The following TTN variants were observed in gnomAD, a reference collection of about 807,000 sequenced individuals.
TTN encodes the protein connectin.
In TTN, 1,525 loss-of-function variants were observed where a neutral mutation model predicts 3,223.0. The observed-to-expected ratio is 0.47, with a 90% confidence interval of 0.45 to 0.49. TTN has a LOEUF of 0.49. Among genes scored for constraint, TTN ranks in the 20% least tolerant of loss-of-function variants. TTN has a pLI of 0.00. For missense variants in TTN, 40,786 were observed against 43,424.0 expected (o/e 0.94, Z 5.40); for synonymous variants, 14,094 against 15,161.0 (o/e 0.93, Z 5.17).
chr2:178,548,444 C>G lies in TTN; in HGVS notation c.93182G>C (p.Arg31061Pro), dbSNP rs727504923. Residue 31061 changes from arginine to proline, a missense_variant, in exon 339 of 363, where the codon CGT becomes CCT. Coordinates refer to ENST00000589042, the MANE Select transcript of TTN (RefSeq NM_001267550.2). The surrounding 1 kb of genome is among the most constrained non-coding windows in gnomAD (Gnocchi z 4.3). Reference sequence around the variant, plus strand: ...TTTTTCACTGATAACCTGCCAACTACGGCGACTTGCCTCTCGTTTCTCTAC... The same window carrying G: ...TTTTTCACTGATAACCTGCCAACTAGGGCGACTTGCCTCTCGTTTCTCTAC... ...YVVEKREASR[R>P]SWQVISEKCT... The G allele has an allele frequency of 6.2e-7, 1 of 1,613,744 alleles. No homozygotes were observed. The highest frequency in any genetic ancestry group is 8.5e-7 in the Non-Finnish European group (1 of 1,179,812).
chr2:178,794,919 T>C lies in TTN; in HGVS notation c.1245+3A>G, dbSNP rs757221300. On this transcript the variant is annotated splice_donor_region_variant and intron_variant, in intron 7 of 362. Coordinates refer to ENST00000589042, the MANE Select transcript of TTN (RefSeq NM_001267550.2). ...AGGAAAAACAAAACCATTCTGACAG[T>C]ACCTCTTTAGCACCAGTGGCAACAG... 2.2e-5 allele frequency: 35 copies of C among 1,600,930 alleles called. No homozygotes were observed. Among genetic ancestry groups the C allele is most frequent in the Non-Finnish European group, 2.7e-5 (32 of 1,179,932 alleles).
Position 178,800,382 on chromosome 2 carries a change from C to T in TTN, c.583+13G>A. 6.2e-7 allele frequency: 1 copy of T among 1,614,104 alleles called. No individual in the cohort carries two copies. On this transcript the variant is annotated intron_variant, in intron 4 of 362. Transcript: ENST00000589042. ...TCTCCCCTTCTCTCTGTTCCTCAACCTCCAGCACGTACCTTGAACCAGTAA... is the reference window on the plus strand; with the variant it reads ...TCTCCCCTTCTCTCTGTTCCTCAACTTCCAGCACGTACCTTGAACCAGTAA...
In TTN at chr2:178,713,209, G is replaced by T; in HGVS notation, c.26925C>A (p.Thr8975=). ...EISSGRKYQT[T]LTDNTCALTV... is the part of the protein sequence containing the mutation. ...TTAAAGCACAAGTATTATCTGTCAG[G>T]GTGGTCTGGTATTTCCTTCCACTAC... The change falls in exon 93 of 363, where the codon ACC becomes ACA. Residue 8975 remains threonine, a synonymous_variant. Coordinates refer to ENST00000589042, the MANE Select transcript of TTN (RefSeq NM_001267550.2). 1 of 1,613,544 alleles carries T rather than the reference G, an allele frequency of 6.2e-7. No individual in the cohort carries two copies.
In TTN at chr2:178,598,645, C is replaced by T. The variant is rs1359328880; in HGVS notation, c.56972G>A (p.Gly18991Asp). The T allele has an allele frequency of 1.2e-6, 2 of 1,602,624 alleles. No homozygotes were observed. Among genetic ancestry groups the T allele is most frequent in the African/African-American group, 1.4e-5 (1 of 73,858 alleles). ...ATARDPIAPPGPPFPKVTDWT... is the reference protein window; with the variant it reads ...ATARDPIAPPDPPFPKVTDWT... ...ATCTGTCACTTTGGGAAATGGAGGA[C>T]CAGGAGGGGCTGCAAAGAGCCAGTA... Residue 18991 changes from glycine (G) to aspartate (D), a missense_variant, in exon 292 of 363, where the codon GGT becomes GAT. Coordinates refer to ENST00000589042, the MANE Select transcript of TTN (RefSeq NM_001267550.2).
chr2:178,565,783 T>C lies in TTN; in HGVS notation c.80349A>G (p.Pro26783=). The change falls in exon 326 of 363, where the codon CCA becomes CCG. Residue 26783 remains proline, a synonymous_variant. Coordinates refer to ENST00000589042, the MANE Select transcript of TTN (RefSeq NM_001267550.2). ...CATCAGTGAGTGTAACCTTTCCTGG[T>C]GGGGAAGGAGGTTCAGCAGCTTTCA... ...DAVKAAEPPS[P]PGKVTLTDVS... is the part of the protein sequence containing the mutation. The C allele has an allele frequency of 1.9e-6, 3 of 1,613,534 alleles. No homozygotes were observed.
At position 178,569,542 on chromosome 2, in the gene TTN, T is replaced by C. The variant is rs184034300; in HGVS notation, c.76590A>G (p.Leu25530=). The C allele has an allele frequency of 2.4e-5, 39 of 1,612,670 alleles. No homozygotes were observed. The highest frequency in any genetic ancestry group is 3.3e-4 in the Middle Eastern group (2 of 6,072). The change falls in exon 326 of 363, where the codon TTA becomes TTG. Residue 25530 remains leucine, a synonymous_variant. Coordinates refer to ENST00000589042, the MANE Select transcript of TTN (RefSeq NM_001267550.2). Reference sequence around the variant, plus strand: ...TAGGACGACCTTTTATAGGAACAAATAACCTTAAGGAGCCACCTGCCCTTA... The same window carrying C: ...TAGGACGACCTTTTATAGGAACAAACAACCTTAAGGAGCCACCTGCCCTTA... ...INIRAGGSLR[L]FVPIKGRPTP... is the part of the protein sequence containing the mutation.
At position 178,670,416 on chromosome 2, in the gene TTN, T is replaced by C. The variant is rs548523396; in HGVS notation, c.35309-121A>G. Reference sequence around the variant, plus strand: ...AACAATATAAAATGCAGACAACACTTTATCAAATACATTACAGTATTTCAA... The same window carrying C: ...AACAATATAAAATGCAGACAACACTCTATCAAATACATTACAGTATTTCAA... On this transcript the variant is annotated intron_variant, in intron 156 of 362. Coordinates refer to ENST00000589042, the MANE Select transcript of TTN (RefSeq NM_001267550.2). 1.2e-3 allele frequency: 548 copies of C among 454,180 alleles called. 2 individuals are homozygous for C. The highest frequency in any genetic ancestry group is 1.8e-3 in the Non-Finnish European group (473 of 267,176). 28.1% of individuals were successfully genotyped at this position (454,180 alleles called of 1,614,324 possible). A position where few individuals can be genotyped will look rare whatever the true frequency, so the allele number is the denominator to read the frequency against.
intron 2 of TTN, among the ~76,000 whole-genome samples, chr2:178,803,068 T>C (rs1325032635): frequency 6.6e-6 from 1 of 152,184 alleles, no homozygotes; most frequent in Non-Finnish European, 1.5e-5. Context: ...ACTCTGTACA[T>C]TGAGAATGTA....
chr2:178,749,185 T>G, intron 47 of TTN: 2 of 1,611,338 alleles, frequency 1.2e-6, no homozygotes, highest in Non-Finnish European at 1.7e-6. Flanking sequence ...TTTCCTTTTC[T>G]GATCTACCAA....
Position 178,727,385 on chromosome 2 carries a change from A to G in TTN, c.19994-14T>C. The G allele has an allele frequency of 1.3e-6, 2 of 1,566,124 alleles. No individual in the cohort carries two copies. The highest frequency in any genetic ancestry group is 1.7e-6 in the Non-Finnish European group (2 of 1,158,418). On this transcript the variant is annotated splice_polypyrimidine_tract_variant and intron_variant, in intron 68 of 362. Coordinates refer to ENST00000589042, the MANE Select transcript of TTN (RefSeq NM_001267550.2). ...ACTTTGGTGGTTCTAAAGAGTCAGGAAAGAGGAGAGTATCAGGGAACAGAA... is the reference window on the plus strand; with the variant it reads ...ACTTTGGTGGTTCTAAAGAGTCAGGGAAGAGGAGAGTATCAGGGAACAGAA...
rs1368373679 is a variant in TTN at position 178,599,278 on chromosome 2, G to C, written c.56515C>G (p.Pro18839Ala). ...RKTWVHVSSE[P>A]KECTYTIPKL... ...GGAATCGTGTACGTGCACTCCTTAG[G>C]TTCACTGGAGACATGGACCCATGTC... Residue 18839 changes from proline to alanine, a missense_variant, in exon 290 of 363, where the codon CCT (proline) becomes GCT (alanine). By Grantham distance (27) the Pro-to-Ala change is conservative. Coordinates refer to ENST00000589042, the MANE Select transcript of TTN (RefSeq NM_001267550.2). The C allele has an allele frequency of 1.2e-6, 2 of 1,600,204 alleles. No individual in the cohort carries two copies. The highest frequency in any genetic ancestry group is 2.2e-5 in the East Asian group (1 of 44,618).
rs915324688 is a variant in TTN at position 178,664,907 on chromosome 2, T to G, written c.36063A>C (p.Glu12021Asp). 26 of 1,609,792 alleles carry G rather than the reference T, an allele frequency of 1.6e-5. No homozygotes were observed. The highest frequency in any genetic ancestry group is 2.0e-5 in the Non-Finnish European group (23 of 1,178,830). ...AAGGAACTGTCTTGGCAGGAATAAT[T>G]TCTTGAGGAGCTTCGGGCGCTTGAA... The part of the protein sequence containing the change: ...PRMKTPEAPQ[E>D]IIPAKTVPSK... Residue 12021 changes from glutamate to aspartate, a missense_variant, in exon 166 of 363, where the codon GAA (glutamate) becomes GAC (aspartate). Glu to Asp is a conservative substitution (Grantham distance 45, BLOSUM62 2). Coordinates refer to ENST00000589042, the MANE Select transcript of TTN (RefSeq NM_001267550.2).
In TTN at chr2:178,634,251, T is replaced by C; in HGVS notation, c.42415+115A>G. 9 of 1,492,174 alleles carry C rather than the reference T, an allele frequency of 6.0e-6. No individual in the cohort carries two copies. Among genetic ancestry groups the C allele is most frequent in the South Asian group, 5.3e-5 (4 of 75,962 alleles). 92.4% of individuals were successfully genotyped at this position (1,492,174 alleles called of 1,614,324 possible). ...TTAAGGGGGGTTGTTTTGGTAACAC[T>C]GTGAAAGTTAATTAGTGATGCATTA... On this transcript the variant is annotated intron_variant, in intron 230 of 362. Coordinates refer to ENST00000589042, the MANE Select transcript of TTN (RefSeq NM_001267550.2). The surrounding 1 kb of genome is among the most constrained non-coding windows in gnomAD (Gnocchi z 4.6).
chr2:178,754,372 G>A (rs1262196931), intron 46 of TTN, among the ~76,000 whole-genome samples: 1 of 151,926 alleles, frequency 6.6e-6, no homozygotes, highest in Non-Finnish European at 1.5e-5. Flanking sequence ...AACTTTCTTA[G>A]GTACAAGTAA....
At chr2:178,664,991 T>C in intron 165 of TTN, 65 bp from the exon 166 acceptor site, 1 of 1,510,534 alleles carries the variant, frequency 6.6e-7, no homozygotes, top group Admixed American at 2.0e-5. Flanking sequence ...GTAACCACAA[T>C]AAGTTAGGAA....
Position 178,598,865 on chromosome 2 carries a change from T to C in TTN, c.56845A>G (p.Lys18949Glu). Reference sequence around the variant, plus strand: ...GAACCTTCAATAAGACCAGTCACTTTATAAGAAACACCCAAAGTCATGGCT... The same window carrying C: ...GAACCTTCAATAAGACCAGTCACTTCATAAGAAACACCCAAAGTCATGGCT... ...IKAMTLGVSY[K>E]VTGLIEGSDY... Residue 18949 changes from lysine (K) to glutamate (E), a missense_variant, in exon 291 of 363, where the codon AAA becomes GAA. Transcript: ENST00000589042. The C allele has an allele frequency of 6.2e-7, 1 of 1,613,348 alleles. No individual in the cohort carries two copies. Among genetic ancestry groups the C allele is most frequent in the Non-Finnish European group, 8.5e-7 (1 of 1,179,524 alleles).
At chr2:178,699,653 C>T (rs1245418107) in intron 111 of TTN, among the ~76,000 whole-genome samples, 7 of 147,164 alleles carry the variant, frequency 4.8e-5, no homozygotes, top group Admixed American at 4.7e-4. Flanking sequence ...CCTTGTGATC[C>T]GCCCGCCTCG....
intron 20 of TTN, 112 bp from the exon 21 acceptor site, chr2:178,781,375 A>G (rs2092746307): frequency 9.2e-6 from 11 of 1,198,514 alleles, no homozygotes; most frequent in Non-Finnish European, 8.4e-6. Context: ...ATGACCCTAA[A>G]CATATGACTA....
chr2:178,805,358 A>AT, intron 1 of TTN, among the ~76,000 whole-genome samples: 1 of 151,848 alleles, frequency 6.6e-6, no homozygotes, highest in East Asian at 1.9e-4. Flanking sequence ...AAAAAAAAAA[A>AT]AAAAAATTAA....
Sources: allele counts gnomAD v4.1 joint callset (sites outside exome capture counted in the v4.1 genomes callset), GRCh38; gene constraint gnomAD v4.1.1; non-coding constraint Gnocchi (gnomAD v3.1); transcripts MANE v1.5; gene names NCBI Gene and HGNC (gene_info 2026-07-23, HGNC 2026-07-21).